The following CNTNAP2 variants were observed in gnomAD, a reference collection of about 807,000 sequenced individuals.
The protein encoded by CNTNAP2 is contactin-associated protein-like 2.
A neutral mutation model predicts 155.2 loss-of-function variants in CNTNAP2; 98 were observed. The ratio of observed to expected loss-of-function variants is 0.63; its 90% CI spans 0.54 to 0.75. The LOEUF is 0.75. CNTNAP2 is among the 30% of genes least tolerant of loss of function. CNTNAP2 has a pLI of 0.00. For synonymous variants in CNTNAP2, 651 were observed against 631.2 expected (o/e 1.03, Z -0.47); for missense variants, 1,727 against 1,688.1 (o/e 1.02, Z -0.40).
chr7:148,011,680 A>G (rs1802085143), intron 15 of CNTNAP2, among the ~76,000 whole-genome samples: 2 of 152,164 alleles, frequency 1.3e-5, no homozygotes, highest in African/African-American at 2.4e-5. Context: ...TTGATACATA[A>G]TCTAGGTTGG....
intron 14 of CNTNAP2, among the ~76,000 whole-genome samples, chr7:147,974,361 G>A (rs977539896): frequency 6.6e-6 from 1 of 152,138 alleles, no homozygotes; most frequent in Non-Finnish European, 1.5e-5. Flanking sequence ...TGTAATCCCA[G>A]CACTTTGGGA....
At chr7:148,288,585 T>C (rs1191691098) in intron 21 of CNTNAP2, among the ~76,000 whole-genome samples, 3 of 152,238 alleles carry the variant, frequency 2.0e-5, no homozygotes, top group East Asian at 3.8e-4. Flanking sequence ...TTTAAGATAA[T>C]GTAAAACTAT....
Position 146,721,231 on chromosome 7 carries a change from C to G in CNTNAP2, c.98-53040C>G, listed in dbSNP as rs182613189. ...TGTATATATTCTCTATATATATTCT[C>G]TATATACTCTCTCTATATTCTCTAT... On this transcript the variant is annotated intron_variant, in intron 1 of 23. Transcript: ENST00000361727. Among the ~76,000 whole-genome samples, 1,249 of 127,684 alleles carry G rather than the reference C, an allele frequency of 9.8e-3. 40 individuals are homozygous for G. The highest frequency in any genetic ancestry group is 0.035 in the African/African-American group (1,188 of 34,236). The allele number at this position is 127,684 out of a possible 152,430, so 83.8% of individuals were successfully genotyped here. A position where few individuals can be genotyped will look rare whatever the true frequency, so the allele number is the denominator to read the frequency against.
At chr7:147,887,719 G>A (rs111390424) in intron 13 of CNTNAP2, among the ~76,000 whole-genome samples, 5,694 of 152,090 alleles carry the variant, frequency 0.037, 182 homozygotes, top group Middle Eastern at 0.061. Context: ...AAATATCCCT[G>A]TATGGAAAAC....
chr7:147,533,645 T>C (rs1291528751), intron 11 of CNTNAP2, among the ~76,000 whole-genome samples: 1 of 151,388 alleles, frequency 6.6e-6, no homozygotes, highest in East Asian at 1.9e-4. Context: ...ATGGCTCATA[T>C]GTGTAATCCC....
intron 1 of CNTNAP2, among the ~76,000 whole-genome samples, chr7:146,726,977 G>T (rs1374775648): frequency 2.0e-5 from 3 of 151,710 alleles, no homozygotes; most frequent in African/African-American, 7.3e-5. Flanking sequence ...TTTTCCTTTT[G>T]TTTTTTCTTG....
At chr7:146,975,662 G>A (rs752146431) in intron 3 of CNTNAP2, among the ~76,000 whole-genome samples, 4 of 152,034 alleles carry the variant, frequency 2.6e-5, no homozygotes, top group Non-Finnish European at 4.4e-5. Flanking sequence ...CAATAACAGC[G>A]GTGATAAATT....
At chr7:148,261,107 C>T (rs1355907930) in intron 20 of CNTNAP2, among the ~76,000 whole-genome samples, 1 of 152,212 alleles carries the variant, frequency 6.6e-6, no homozygotes, top group Non-Finnish European at 1.5e-5. Context: ...ATGAAAGTTT[C>T]ATCTCCTGCT....
chr7:148,009,722 G>T (rs1802041735), intron 15 of CNTNAP2, among the ~76,000 whole-genome samples: 1 of 151,374 alleles, frequency 6.6e-6, no homozygotes, highest in African/African-American at 2.4e-5. Flanking sequence ...TTATGAACTT[G>T]CTATTTACAT....
chr7:148,334,480 C>A (rs1798083079), intron 21 of CNTNAP2, among the ~76,000 whole-genome samples: 1 of 152,160 alleles, frequency 6.6e-6, no homozygotes, highest in Non-Finnish European at 1.5e-5. Context: ...TGGCTGGCAC[C>A]ATGGACCTTG....
chr7:146,416,161 G>A (rs1253327799), intron 1 of CNTNAP2, among the ~76,000 whole-genome samples: 1 of 115,662 alleles, frequency 8.6e-6, no homozygotes, highest in East Asian at 2.1e-4. Flanking sequence ...CATATAAAAT[G>A]AAAAAAGATG....
At chr7:147,228,317 G>A (rs1048991608) in intron 8 of CNTNAP2, among the ~76,000 whole-genome samples, 4 of 152,140 alleles carry the variant, frequency 2.6e-5, no homozygotes, top group Non-Finnish European at 4.4e-5. Flanking sequence ...TGAAAGAAAC[G>A]TGTTTGTATG....
At chr7:147,649,595 C>T (rs555422003) in intron 13 of CNTNAP2, among the ~76,000 whole-genome samples, 39 of 151,924 alleles carry the variant, frequency 2.6e-4, no homozygotes, top group Non-Finnish European at 4.4e-4. Context: ...TCTTAATGAA[C>T]GGATTTGTCC....
chr7:146,680,130 G>A (rs894284918), intron 1 of CNTNAP2, among the ~76,000 whole-genome samples: 3 of 151,950 alleles, frequency 2.0e-5, no homozygotes, highest in African/African-American at 7.3e-5. Context: ...TTTCAGTTAG[G>A]TATTATTATT....
At chr7:146,546,988 T>C (rs1045982069) in intron 1 of CNTNAP2, among the ~76,000 whole-genome samples, 1 of 151,932 alleles carries the variant, frequency 6.6e-6, no homozygotes, top group Non-Finnish European at 1.5e-5. Context: ...TGTTGATGTA[T>C]CCACCTGAAG....
At chr7:146,739,320 C>A (rs530772902) in intron 1 of CNTNAP2, among the ~76,000 whole-genome samples, 1 of 151,860 alleles carries the variant, frequency 6.6e-6, no homozygotes, top group South Asian at 2.1e-4. Context: ...TGCTTTTGCT[C>A]TCCCAGGGGT....
At chr7:148,020,777 G>C (rs558030520) in intron 15 of CNTNAP2, among the ~76,000 whole-genome samples, 1 of 152,030 alleles carries the variant, frequency 6.6e-6, no homozygotes, top group Admixed American at 6.5e-5. Context: ...TCTTCCTTCC[G>C]ACTACTTTGT....
At chr7:146,188,330 A>G (rs1009802416) in intron 1 of CNTNAP2, among the ~76,000 whole-genome samples, 3 of 152,328 alleles carry the variant, frequency 2.0e-5, no homozygotes, top group South Asian at 2.1e-4. Context: ...TACCACTAAC[A>G]TAGAACTCAA....
At chr7:146,863,945 T>TC (rs1795153057) in intron 3 of CNTNAP2, among the ~76,000 whole-genome samples, 2 of 152,176 alleles carry the variant, frequency 1.3e-5, no homozygotes, top group South Asian at 4.1e-4. Context: ...TTTTCTGCCC[T>TC]CTTTGCTATT....
Sources: allele counts gnomAD v4.1 joint callset (sites outside exome capture counted in the v4.1 genomes callset), GRCh38; gene constraint gnomAD v4.1.1; transcripts MANE v1.5; gene names NCBI Gene and HGNC (gene_info 2026-07-23, HGNC 2026-07-21).